Variants in SLC4A4 observed in about 807,000 individuals in gnomAD.
SLC4A4 encodes the protein solute carrier family 4 member 4.
Under a neutral mutation model 111.5 loss-of-function variants are expected in SLC4A4, and 27 were observed. The observed-to-expected ratio is 0.24, with a 90% confidence interval of 0.18 to 0.33. SLC4A4 has a LOEUF of 0.33. Ranked by LOEUF, SLC4A4 falls within the 10% of genes least tolerant of loss-of-function variation. The pLI, the probability that SLC4A4 is intolerant of heterozygous loss-of-function variation, is 1.00. For missense variants in SLC4A4, 909 were observed against 1,315.5 expected, an observed-to-expected ratio of 0.69 and a Z score of 4.78; for synonymous variants, 443 against 463.4, an observed-to-expected ratio of 0.96 and a Z score of 0.57.
At chr4:71,302,625 G>T (rs1459574511) in intron 3 of SLC4A4, among the ~76,000 whole-genome samples, 1 of 152,192 alleles carries the variant, frequency 6.6e-6, no homozygotes, top group East Asian at 1.9e-4. Context: ...CTCCTGGTGT[G>T]CTGTGATTCT....
intron 3 of SLC4A4, among the ~76,000 whole-genome samples, chr4:71,332,632 G>T (rs7434274): frequency 0.83 from 124,977 of 149,684 alleles, 53,247 homozygotes; most frequent in Non-Finnish European, 0.93. Flanking sequence ...TTTTAGTAGA[G>T]ATGGGGTTTC....
At chr4:71,301,436 A>G (rs555562708) in intron 3 of SLC4A4, among the ~76,000 whole-genome samples, 8 of 152,242 alleles carry the variant, frequency 5.3e-5, no homozygotes, top group Non-Finnish European at 1.2e-4. Flanking sequence ...GGAAGAAGGA[A>G]TCTAGGGTGC....
At chr4:71,506,714 G>C (rs1339644697) in intron 16 of SLC4A4, among the ~76,000 whole-genome samples, 6 of 152,140 alleles carry the variant, frequency 3.9e-5, no homozygotes, top group Middle Eastern at 6.8e-3. Flanking sequence ...AGCTAGACAG[G>C]CCAATATTCA....
chr4:71,233,809 C>T (rs1719608582), intron 1 of SLC4A4, among the ~76,000 whole-genome samples: 2 of 152,082 alleles, frequency 1.3e-5, no homozygotes, highest in Admixed American at 6.6e-5. Context: ...CTCTTGTCCC[C>T]TTACTGTCCA....
At chr4:71,218,936 C>T (rs4521314) in intron 1 of SLC4A4, among the ~76,000 whole-genome samples, 1 of 152,004 alleles carries the variant, frequency 6.6e-6, no homozygotes, top group Non-Finnish European at 1.5e-5. Context: ...ACTATGCTGT[C>T]ACTGGGAACA....
chr4:71,350,887 C>G (rs1270529818), intron 5 of SLC4A4, among the ~76,000 whole-genome samples: 2 of 152,058 alleles, frequency 1.3e-5, no homozygotes, highest in Non-Finnish European at 2.9e-5. Flanking sequence ...TGCAGCCATC[C>G]CTACAGGTCC....
At chr4:71,504,347 A>G (rs895048278) in intron 16 of SLC4A4, among the ~76,000 whole-genome samples, 1 of 152,078 alleles carries the variant, frequency 6.6e-6, no homozygotes, top group Non-Finnish European at 1.5e-5. Context: ...GATTGGGTTA[A>G]TTCAAAAGAT....
At chr4:71,506,674 G>C (rs1731448578) in intron 16 of SLC4A4, among the ~76,000 whole-genome samples, 1 of 152,034 alleles carries the variant, frequency 6.6e-6, no homozygotes, top group Non-Finnish European at 1.5e-5. Flanking sequence ...ACGCATTTCA[G>C]GATATCATCC....
intron 15 of SLC4A4, 78 bp downstream of exon 15, chr4:71,487,096 A>G (rs879905818): frequency 2.3e-6 from 2 of 858,072 alleles, no homozygotes; most frequent in Non-Finnish European, 3.9e-6. Flanking sequence ...ATAATATATG[A>G]TGTCTTCTAC....
chr4:71,389,627 T>C (rs925327088), intron 6 of SLC4A4, among the ~76,000 whole-genome samples: 49 of 152,190 alleles, frequency 3.2e-4, no homozygotes, highest in Non-Finnish European at 6.0e-4. Context: ...TTCTTACTTA[T>C]TTACTCTAAG....
At chr4:71,264,517 G>C (rs1410168576) in intron 3 of SLC4A4, among the ~76,000 whole-genome samples, 1 of 152,064 alleles carries the variant, frequency 6.6e-6, no homozygotes, top group Non-Finnish European at 1.5e-5. Context: ...CATGTGGGCT[G>C]TCTAGCTAGC....
chr4:71,410,094 G>A (rs949460227), intron 7 of SLC4A4, among the ~76,000 whole-genome samples: 6 of 152,182 alleles, frequency 3.9e-5, no homozygotes, highest in Non-Finnish European at 7.3e-5. Flanking sequence ...TTGCTGCAGG[G>A]GTGGGGCCCT....
intron 3 of SLC4A4, among the ~76,000 whole-genome samples, chr4:71,299,678 G>T (rs1194835057): frequency 6.6e-6 from 1 of 152,192 alleles, no homozygotes; most frequent in Non-Finnish European, 1.5e-5. Context: ...TGTGGAGAGG[G>T]CAGGGGGCAT....
chr4:71,144,734 T>C (rs1744115995), intron 2 of SLC4A4, among the ~76,000 whole-genome samples: 1 of 152,118 alleles, frequency 6.6e-6, no homozygotes, highest in South Asian at 2.1e-4. Context: ...TCACTCATGA[T>C]TTGGTTCTCT....
intron 8 of SLC4A4, among the ~76,000 whole-genome samples, chr4:71,445,976 G>T (rs1413560115): frequency 6.6e-6 from 1 of 152,152 alleles, no homozygotes; most frequent in Non-Finnish European, 1.5e-5. Context: ...TACTTGAACA[G>T]ACTTTGGTGC....
chr4:71,526,007 T>C (rs1428868335), intron 16 of SLC4A4, among the ~76,000 whole-genome samples: 1 of 152,048 alleles, frequency 6.6e-6, no homozygotes, highest in East Asian at 1.9e-4. Context: ...ACAGACCCCA[T>C]TGTGTATCTA....
chr4:71,532,537 G>A (rs1022076393), intron 17 of SLC4A4, among the ~76,000 whole-genome samples: 4 of 151,960 alleles, frequency 2.6e-5, no homozygotes, highest in African/African-American at 4.8e-5. Context: ...ACAGGGCCTT[G>A]CTCTGTTGCC....
chr4:71,112,292 CTATT>C (rs1191385209), intron 2 of SLC4A4, among the ~76,000 whole-genome samples: 1 of 152,180 alleles, frequency 6.6e-6, no homozygotes, highest in Non-Finnish European at 1.5e-5. Flanking sequence ...TCTAATGTCT[CTATT>C]TGCGTCATAG....
At chr4:71,155,520 TG>T (rs1170947302) in intron 2 of SLC4A4, among the ~76,000 whole-genome samples, 3 of 152,266 alleles carry the variant, frequency 2.0e-5, no homozygotes, top group Non-Finnish European at 4.4e-5. Flanking sequence ...TGGAGTGCAG[TG>T]GCACCATTAT....
Sources: allele counts gnomAD v4.1 joint callset (sites outside exome capture counted in the v4.1 genomes callset), GRCh38; gene constraint gnomAD v4.1.1; transcripts MANE v1.5; gene names NCBI Gene and HGNC (gene_info 2026-07-23, HGNC 2026-07-21).